The following TPD52L1 variants were observed in gnomAD, a reference collection of about 807,000 sequenced individuals.
The protein encoded by TPD52L1 is tumor protein D53.
Under a neutral mutation model 28.7 loss-of-function variants are expected in TPD52L1, and 18 were observed. The observed-to-expected ratio is 0.63, with a 90% CI of 0.43 to 0.93. The LOEUF (loss-of-function observed/expected upper bound fraction) is 0.93, where lower values mean the gene tolerates loss of function less well. Ranked by LOEUF, TPD52L1 falls within the 40% of genes least tolerant of loss-of-function variation. TPD52L1 has a pLI of 0.00. For missense variants in TPD52L1, 203 were observed against 254.8 expected (o/e 0.80, Z 1.39); for synonymous variants, 75 against 88.8 (o/e 0.84, Z 0.88).
At chr6:125,171,696 TCTC>T (rs1791310330) in intron 1 of TPD52L1, among the ~76,000 whole-genome samples, 1 of 152,014 alleles carries the variant, frequency 6.6e-6, no homozygotes, top group Non-Finnish European at 1.5e-5. Context: ...TTGAAACAGT[TCTC>T]CTCTGGTCCA....
intron 1 of TPD52L1, among the ~76,000 whole-genome samples, chr6:125,195,242 G>T (rs1471567505): frequency 6.6e-6 from 1 of 152,180 alleles, no homozygotes; most frequent in African/African-American, 2.4e-5. Context: ...TTTTGTCCCT[G>T]TTGTTGTTTG....
At position 125,172,661 on chromosome 6, in the gene TPD52L1, A is replaced by G. The variant is rs1414976431; in HGVS notation, c.19+18691A>G. On this transcript the variant is annotated intron_variant, in intron 1 of 6. Transcript: ENST00000534000. ...TAATAAACTATATAATAAATTAGGTATATATATATATTTATTTTCTTCATT... is the reference window on the plus strand; with the variant it reads ...TAATAAACTATATAATAAATTAGGTGTATATATATATTTATTTTCTTCATT... Among the ~76,000 whole-genome samples, 6 of 131,988 alleles carry G rather than the reference A, an allele frequency of 4.5e-5. No individual in the cohort carries two copies. In the East Asian group the frequency reaches 9.8e-4, roughly 21 times the overall value. The allele number at this position is 131,988 out of a possible 152,430, so 86.6% of individuals were successfully genotyped here.
chr6:125,245,027 T>G (rs549932358), intron 3 of TPD52L1, among the ~76,000 whole-genome samples: 6 of 152,306 alleles, frequency 3.9e-5, no homozygotes, highest in African/African-American at 1.4e-4. Flanking sequence ...ACTACCAGGC[T>G]CCAGGCTGGT....
At chr6:125,248,425 G>A (rs1350216767) in intron 4 of TPD52L1, 42 bp downstream of exon 4, 1 of 1,503,184 alleles carries the variant, frequency 6.7e-7, no homozygotes, top group Non-Finnish European at 9.3e-7. Flanking sequence ...TAAGCCCTTG[G>A]CTTTCCGATT....
In TPD52L1 at chr6:125,172,179, TTCTTTC is replaced by T. The variant is rs1451687437; in HGVS notation, c.19+18211_19+18216del. On this transcript the variant is annotated intron_variant, in intron 1 of 6. Transcript: ENST00000534000. ...TTCTTTTCTTTCTTTCTTTCTTTCT[TTCTTTC>T]TTTCTTTCTTTCTTTCTTTCTTCTT... 3.0e-5 allele frequency among the ~76,000 whole-genome samples: 4 copies of T among 134,316 alleles called. No homozygotes were observed. The East Asian group carries it at 8.8e-4, about 29-fold the overall frequency. The allele number at this position is 134,316 out of a possible 152,430, so 88.1% of individuals were successfully genotyped here.
At chr6:125,158,158 C>T (rs1166165620) in intron 1 of TPD52L1, among the ~76,000 whole-genome samples, 1 of 152,104 alleles carries the variant, frequency 6.6e-6, no homozygotes, top group African/African-American at 2.4e-5. Context: ...CTCTCAAGAC[C>T]TTTAACTTAA....
chr6:125,260,991 AAAG>A lies in TPD52L1; in HGVS notation c.487-1840_487-1838del, dbSNP rs1562410987. The A allele has an allele frequency of 5.4e-3, 232 of 43,226 alleles. 6 individuals carry two copies. The Middle Eastern group carries it at 0.062, about 12-fold the overall frequency. 2.7% of individuals were successfully genotyped at this position (43,226 alleles called of 1,614,324 possible). A position where few individuals can be genotyped will look rare whatever the true frequency, so the allele number is the denominator to read the frequency against. ...AAGAAAGAAAGAAAAGAAAAGAAAG[AAAG>A]AAAGAAAGAAAGAAAGAAAGAAAGA... On this transcript the variant is annotated intron_variant, in intron 6 of 6. Transcript: ENST00000534000.
At chr6:125,175,483 C>A (rs1193830198) in intron 1 of TPD52L1, among the ~76,000 whole-genome samples, 1 of 152,072 alleles carries the variant, frequency 6.6e-6, no homozygotes, top group Non-Finnish European at 1.5e-5. Flanking sequence ...CAATTTTAAG[C>A]TTAAGAGTCC....
At position 125,171,776 on chromosome 6, in the gene TPD52L1, A is replaced by C. The variant is rs573437809; in HGVS notation, c.19+17806A>C. Among the ~76,000 whole-genome samples, 7 of 152,242 alleles carry C rather than the reference A, an allele frequency of 4.6e-5. No homozygotes were observed. In the South Asian group the frequency reaches 1.5e-3, roughly 32 times the overall value. On this transcript the variant is annotated intron_variant, in intron 1 of 6. Transcript: ENST00000534000. ...AGCTTCATGAGACCCTGGGCAGAGGACCCAGCTAAGCTGTGCCTGGATTTC... is the reference window on the plus strand; with the variant it reads ...AGCTTCATGAGACCCTGGGCAGAGGCCCCAGCTAAGCTGTGCCTGGATTTC...
At chr6:125,155,495 T>C (rs1459871336) in intron 1 of TPD52L1, among the ~76,000 whole-genome samples, 20 of 152,384 alleles carry the variant, frequency 1.3e-4, no homozygotes, top group African/African-American at 4.6e-4. Flanking sequence ...GTTTGCTTTA[T>C]TGCTTTGCTT....
At chr6:125,199,513 T>A (rs746985101) in intron 1 of TPD52L1, among the ~76,000 whole-genome samples, 1 of 151,972 alleles carries the variant, frequency 6.6e-6, no homozygotes, top group Non-Finnish European at 1.5e-5. Flanking sequence ...TGGTAAAACC[T>A]CATCTCTACT....
At position 125,263,322 on chromosome 6, in the gene TPD52L1, T is replaced by C; in HGVS notation, c.*360T>C. 1 of 223,762 alleles carries C rather than the reference T, an allele frequency of 4.5e-6. No homozygotes were observed. The highest frequency in any genetic ancestry group is 9.0e-6 in the Non-Finnish European group (1 of 111,578). 13.9% of individuals were successfully genotyped at this position (223,762 alleles called of 1,614,324 possible). On this transcript the variant is annotated 3_prime_UTR_variant, in exon 7 of 7. Transcript: ENST00000534000. ...GCCTCCTTTATGATGTGCATGTCCT[T>C]GAAGGCTGAATGAACAGTCCCTTTC...
chr6:125,177,354 T>C (rs1477467759), intron 1 of TPD52L1, among the ~76,000 whole-genome samples: 1 of 152,224 alleles, frequency 6.6e-6, no homozygotes, highest in Non-Finnish European at 1.5e-5. Context: ...ATTTTTCCCC[T>C]GGAAGTCATC....
intron 3 of TPD52L1, among the ~76,000 whole-genome samples, chr6:125,230,122 A>G (rs1358868745): frequency 6.6e-6 from 1 of 152,154 alleles, no homozygotes; most frequent in African/African-American, 2.4e-5. Flanking sequence ...TTGCTTTGCC[A>G]TTATCGTCCT....
At chr6:125,228,546 TA>T (rs2114985238) in intron 2 of TPD52L1, among the ~76,000 whole-genome samples, 1 of 152,252 alleles carries the variant, frequency 6.6e-6, no homozygotes, top group African/African-American at 2.4e-5. Context: ...TGGCAAAAAA[TA>T]AACTACACTG....
At chr6:125,234,475 C>T (rs772150523) in intron 3 of TPD52L1, 1 of 152,186 alleles carries the variant, frequency 6.6e-6, no homozygotes, top group Non-Finnish European at 1.5e-5. Context: ...TTTCTGCCAC[C>T]TAATGCACAA....
chr6:125,263,079 G>T lies in TPD52L1; in HGVS notation c.*117G>T. ...TGGGAAAAACCCAGGCCTTGACATT[G>T]TTATTCAAATGGCCCCTCCAGAAAG... On this transcript the variant is annotated 3_prime_UTR_variant, in exon 7 of 7. Coordinates refer to ENST00000534000, the MANE Select transcript of TPD52L1 (RefSeq NM_003287.4). 2 of 1,294,186 alleles carry T rather than the reference G, an allele frequency of 1.5e-6. No homozygotes were observed. The highest frequency in any genetic ancestry group is 2.6e-5 in the East Asian group (1 of 38,666). The allele number at this position is 1,294,186 out of a possible 1,614,324, so 80.2% of individuals were successfully genotyped here. A position where few individuals can be genotyped will look rare whatever the true frequency, so the allele number is the denominator to read the frequency against.
chr6:125,257,051 A>G (rs2115060369), intron 5 of TPD52L1, 47 bp from the exon 6 acceptor site: 1 of 1,542,318 alleles, frequency 6.5e-7, no homozygotes, highest in South Asian at 1.2e-5. Context: ...ATGGTTGCTA[A>G]GACAGCTAGG....
At chr6:125,252,574 C>G (rs1019559540) in intron 4 of TPD52L1, 2 of 152,262 alleles carry the variant, frequency 1.3e-5, no homozygotes, top group African/African-American at 4.8e-5. Context: ...GATTTTTAAT[C>G]CCAAGCCCCC....
Sources: allele counts gnomAD v4.1 joint callset (sites outside exome capture counted in the v4.1 genomes callset), GRCh38; gene constraint gnomAD v4.1.1; transcripts MANE v1.5; gene names NCBI Gene and HGNC (gene_info 2026-07-23, HGNC 2026-07-21).